BLNK: variants seen among roughly 807,000 people sequenced by gnomAD.
BLNK encodes B-cell linker protein.
Under a neutral mutation model 73.5 loss-of-function variants are expected in BLNK, and 29 were observed. That is an observed-to-expected ratio of 0.39 (90% CI 0.29 to 0.54). The LOEUF is 0.54. BLNK is among the 20% of genes least tolerant of loss of function. BLNK has a pLI of 0.61. For missense variants in BLNK, 460 were observed against 562.8 expected, an observed-to-expected ratio of 0.82 and a Z score of 1.85; for synonymous variants, 176 against 200.8, an observed-to-expected ratio of 0.88 and a Z score of 1.04.
At chr10:96,252,565 T>G (rs1843329301) in intron 1 of BLNK, among the ~76,000 whole-genome samples, 1 of 152,216 alleles carries the variant, frequency 6.6e-6, no homozygotes, top group South Asian at 2.1e-4. Context: ...GGAAGCATAA[T>G]TTGGGTGTGC....
chr10:96,238,788 T>C (rs1554905591), intron 3 of BLNK: 1 of 208,252 alleles, frequency 4.8e-6, no homozygotes, highest in Non-Finnish European at 9.5e-6. Context: ...ATAAGATGCA[T>C]TTCCGAGACC....
At chr10:96,220,001 T>C (rs966141493) in intron 6 of BLNK, among the ~76,000 whole-genome samples, 1 of 152,202 alleles carries the variant, frequency 6.6e-6, no homozygotes, top group African/African-American at 2.4e-5. Flanking sequence ...AAGATGGCAC[T>C]GGCCAAGTAG....
chr10:96,194,431 C>A (rs2083407013), intron 16 of BLNK, among the ~76,000 whole-genome samples: 1 of 152,128 alleles, frequency 6.6e-6, no homozygotes, highest in Non-Finnish European at 1.5e-5. Context: ...CACCATGACA[C>A]TGGATTTGGC....
At chr10:96,264,294 C>T (rs368014412) in intron 1 of BLNK, among the ~76,000 whole-genome samples, 3 of 152,134 alleles carry the variant, frequency 2.0e-5, no homozygotes, top group Non-Finnish European at 4.4e-5. Context: ...GAGGCAGTAG[C>T]GGTACCTCTC....
chr10:96,271,468 G>A lies in BLNK; in HGVS notation c.-70C>T, dbSNP rs1844268527. The A allele has an allele frequency of 1.3e-6, 2 of 1,518,832 alleles. No homozygotes were observed. The highest frequency in any genetic ancestry group is 2.7e-5 in the African/African-American group (2 of 72,802). 94.1% of individuals were successfully genotyped at this position (1,518,832 alleles called of 1,614,324 possible). On this transcript the variant is annotated 5_prime_UTR_variant, in exon 1 of 17. Transcript: ENST00000224337. ...ACGTCAGCAGTTCCTGGCCCTCCTA[G>A]GGAGCAGCATGGTAAGCCTCTGGTC...
At chr10:96,251,606 A>G (rs1405991396) in intron 1 of BLNK, among the ~76,000 whole-genome samples, 5 of 152,250 alleles carry the variant, frequency 3.3e-5, no homozygotes, top group African/African-American at 2.4e-5. Flanking sequence ...GTAACAAAAT[A>G]AAATGAAGAA....
At chr10:96,208,857 G>A (rs138969486) in intron 9 of BLNK, among the ~76,000 whole-genome samples, 1 of 152,268 alleles carries the variant, frequency 6.6e-6, no homozygotes, top group African/African-American at 2.4e-5. Flanking sequence ...GAAGTAGTTT[G>A]CCCAAAGTGA....
chr10:96,201,302 T>C (rs1554896095), intron 13 of BLNK, among the ~76,000 whole-genome samples: 1 of 152,176 alleles, frequency 6.6e-6, no homozygotes, highest in Non-Finnish European at 1.5e-5. Flanking sequence ...CCTCATGTAG[T>C]TCCACCAGAA....
At chr10:96,214,745 C>T (rs2084025520) in intron 8 of BLNK, among the ~76,000 whole-genome samples, 1 of 152,014 alleles carries the variant, frequency 6.6e-6, no homozygotes, top group Non-Finnish European at 1.5e-5. Context: ...CCAGATTAAT[C>T]GATGAACGCT....
Position 96,207,243 on chromosome 10 carries a change from A to G in BLNK, c.775-190T>C, listed in dbSNP as rs118129247. ...TTTGCATTAAGCAACAAACAGCCAG[A>G]AGTGTCCTATGAAGGAGCAATGTCA... On this transcript the variant is annotated intron_variant, in intron 10 of 16. Transcript: ENST00000224337. Among the ~76,000 whole-genome samples, 1,302 of 152,336 alleles carry G rather than the reference A, an allele frequency of 8.5e-3. 8 individuals carry two copies. The highest frequency in any genetic ancestry group is 0.042 in the South Asian group (204 of 4,822).
chr10:96,259,206 T>A (rs1554911991), intron 1 of BLNK, among the ~76,000 whole-genome samples: 1 of 152,204 alleles, frequency 6.6e-6, no homozygotes, highest in Non-Finnish European at 1.5e-5. Flanking sequence ...CCATTCCCTC[T>A]ACCAACCCAG....
intron 8 of BLNK, among the ~76,000 whole-genome samples, chr10:96,214,232 G>A (rs587646307): frequency 6.6e-6 from 1 of 152,194 alleles, no homozygotes; most frequent in Admixed American, 6.5e-5. Flanking sequence ...ATGCTGGAGA[G>A]CAGGCTCCTA....
In BLNK at chr10:96,196,860, A is replaced by G. The variant is rs1554894793; in HGVS notation, c.1251+48T>C. On this transcript the variant is annotated intron_variant, in intron 16 of 16. Coordinates refer to ENST00000224337, the MANE Select transcript of BLNK (RefSeq NM_013314.4). ...ATCTAATACAGTATTTGATGTCATT[A>G]TACTCAATGCATAGTTATAGAATTG... 4 of 1,572,128 alleles carry G rather than the reference A, an allele frequency of 2.5e-6. No homozygotes were observed. In the African/African-American group the frequency reaches 5.4e-5, roughly 21 times the overall value.
At chr10:96,241,961 C>A (rs587738318) in intron 3 of BLNK, among the ~76,000 whole-genome samples, 68 of 152,318 alleles carry the variant, frequency 4.5e-4, no homozygotes, top group African/African-American at 1.5e-3. Flanking sequence ...CTCAAGCAAT[C>A]TGCCTTCCTC....
At chr10:96,233,309 C>T (rs10882753) in intron 3 of BLNK, among the ~76,000 whole-genome samples, 33,738 of 152,092 alleles carry the variant, frequency 0.22, 4,660 homozygotes, top group East Asian at 0.48. Context: ...GAAAGTAGTG[C>T]ATTAGCCATC....
chr10:96,264,217 T>A (rs1235335587), intron 1 of BLNK, among the ~76,000 whole-genome samples: 1 of 152,088 alleles, frequency 6.6e-6, no homozygotes, highest in Non-Finnish European at 1.5e-5. Flanking sequence ...TGGCCCCAAG[T>A]CTGTGAGATT....
In BLNK at chr10:96,189,432, T is replaced by TA; in HGVS notation, c.*2540dup. 1.6e-6 allele frequency: 1 copy of TA among 607,802 alleles called. No individual in the cohort carries two copies. The highest frequency in any genetic ancestry group is 3.1e-6 in the Non-Finnish European group (1 of 320,802). 37.7% of individuals were successfully genotyped at this position (607,802 alleles called of 1,614,324 possible). ...AGTTGTCCGGAAGCAATTCTTCACA[T>TA]AATTGATGAACTTGGCTTCCACTTT... On this transcript the variant is annotated 3_prime_UTR_variant, in exon 17 of 17. Transcript: ENST00000224337.
intron 1 of BLNK, among the ~76,000 whole-genome samples, chr10:96,259,670 C>CTTTTTTTTTTTTTTTT (rs57821919): frequency 2.2e-5 from 1 of 44,870 alleles, no homozygotes; most frequent in Admixed American, 3.9e-4. Context: ...CACACCCTAC[C>CTTTTTTTTTTTTTTTT]TTTTTTTTTT....
chr10:96,196,825 C>A (rs1554894781), intron 16 of BLNK, 83 bp downstream of exon 16: 1 of 1,358,288 alleles, frequency 7.4e-7, no homozygotes, highest in Non-Finnish European at 1.0e-6. Flanking sequence ...CCTTTCTCCT[C>A]ATCTCTAGCA....
Sources: gnomAD v4.1 joint callset for allele counts (sites outside exome capture counted in the v4.1 genomes callset) on GRCh38, gnomAD v4.1.1 for gene constraint, MANE v1.5 for transcripts, NCBI Gene and HGNC (gene_info 2026-07-23, HGNC 2026-07-21) for gene names.